LRP5: variants seen among roughly 807,000 people sequenced by gnomAD.
LRP5 encodes low-density lipoprotein receptor-related protein 5.
Under a neutral mutation model 154.1 loss-of-function variants are expected in LRP5, and 62 were observed. The ratio of observed to expected loss-of-function variants is 0.40; its 90% CI spans 0.33 to 0.50. The LOEUF is 0.50. Among genes scored for constraint, LRP5 ranks in the 20% least tolerant of loss-of-function variants. LRP5 has a pLI of 0.55. For missense variants in LRP5, 1,915 were observed against 2,336.7 expected, an observed-to-expected ratio of 0.82 and a Z score of 3.72; for synonymous variants, 966 against 1,011.5, an observed-to-expected ratio of 0.96 and a Z score of 0.85.
At chr11:68,368,003 T>C (rs1416372214) in intron 5 of LRP5, among the ~76,000 whole-genome samples, 1 of 149,232 alleles carries the variant, frequency 6.7e-6, no homozygotes, top group Non-Finnish European at 1.5e-5. Flanking sequence ...AGGCGGAGGT[T>C]GCACTGAGCC....
intron 1 of LRP5, among the ~76,000 whole-genome samples, chr11:68,335,532 A>G (rs1305338984): frequency 2.0e-5 from 3 of 152,014 alleles, no homozygotes; most frequent in Admixed American, 6.5e-5. Context: ...ACTGGACTCT[A>G]AAGCCTGGGT....
intron 1 of LRP5, among the ~76,000 whole-genome samples, chr11:68,338,551 G>C (rs534262078): frequency 6.6e-6 from 1 of 152,164 alleles, no homozygotes; most frequent in African/African-American, 2.4e-5. Context: ...AGAAGTGGGC[G>C]TTCCTGGGAG....
At chr11:68,434,937 G>A (rs1004165424) in intron 18 of LRP5, among the ~76,000 whole-genome samples, 1 of 152,238 alleles carries the variant, frequency 6.6e-6, no homozygotes, top group Non-Finnish European at 1.5e-5. Context: ...AGTCCTTCCA[G>A]CTCATTGACC....
At position 68,363,517 on chromosome 11, in the gene LRP5, C is replaced by T. The variant is rs147068131; in HGVS notation, c.687-230C>T. Among the ~76,000 whole-genome samples, 465 of 152,020 alleles carry T rather than the reference C, an allele frequency of 3.1e-3. 3 individuals carry two copies. The highest frequency in any genetic ancestry group is 0.011 in the African/African-American group (442 of 41,468). ...ACTAAAAATACAAAAATCATCTGGG[C>T]GTAGTGGTGGGCATCAGTGATCCCA... On this transcript the variant is annotated intron_variant, in intron 3 of 22. Coordinates refer to ENST00000294304, the MANE Select transcript of LRP5 (RefSeq NM_002335.4).
intron 18 of LRP5, among the ~76,000 whole-genome samples, chr11:68,436,239 C>A (rs953464770): frequency 1.3e-5 from 2 of 152,224 alleles, no homozygotes; most frequent in Non-Finnish European, 2.9e-5. Context: ...CCCTTATCTC[C>A]CATTCCCAGG....
At chr11:68,323,635 A>AT (rs1185039679) in intron 1 of LRP5, among the ~76,000 whole-genome samples, 2 of 151,488 alleles carry the variant, frequency 1.3e-5, no homozygotes, top group Admixed American at 6.6e-5. Context: ...GCCCAGGTTC[A>AT]TTTGGAACTC....
intron 5 of LRP5, among the ~76,000 whole-genome samples, chr11:68,379,186 AGT>A (rs756808373): frequency 2.6e-5 from 4 of 152,164 alleles, no homozygotes; most frequent in Non-Finnish European, 4.4e-5. Flanking sequence ...TCTTCTCCAG[AGT>A]GTGCTGTTTT....
intron 14 of LRP5, among the ~76,000 whole-genome samples, chr11:68,424,290 G>A (rs952018516): frequency 6.6e-6 from 1 of 152,222 alleles, no homozygotes; most frequent in African/African-American, 2.4e-5. Context: ...CATGAAGACG[G>A]GAGCTACAGC....
At chr11:68,430,993 ACACGTGATG>A (rs2153176898) in intron 17 of LRP5, among the ~76,000 whole-genome samples, 2 of 152,268 alleles carry the variant, frequency 1.3e-5, no homozygotes, top group South Asian at 4.1e-4. Context: ...CTGGACCCTG[ACACGTGATG>A]CACAGGAATG....
intron 1 of LRP5, among the ~76,000 whole-genome samples, chr11:68,343,532 G>A (rs745633395): frequency 1.3e-4 from 20 of 152,180 alleles, no homozygotes; most frequent in Non-Finnish European, 2.8e-4. Flanking sequence ...AGGGCATGGG[G>A]CACAGTTGGC....
intron 21 of LRP5, among the ~76,000 whole-genome samples, chr11:68,444,291 G>T (rs1449398675): frequency 6.6e-6 from 1 of 152,066 alleles, no homozygotes; most frequent in Non-Finnish European, 1.5e-5. Context: ...AAGGCGGGTG[G>T]ATCACCTGAG....
At chr11:68,355,506 T>C (rs879318279) in intron 2 of LRP5, among the ~76,000 whole-genome samples, 1 of 152,170 alleles carries the variant, frequency 6.6e-6, no homozygotes, top group Non-Finnish European at 1.5e-5. Flanking sequence ...CCCAGCTGGC[T>C]GGGATGGGAA....
intron 1 of LRP5, among the ~76,000 whole-genome samples, chr11:68,333,307 G>T (rs2098603964): frequency 6.6e-6 from 1 of 152,176 alleles, no homozygotes; most frequent in African/African-American, 2.4e-5. Context: ...CTAAGGTATG[G>T]TTTTGCCAAG....
intron 1 of LRP5, among the ~76,000 whole-genome samples, chr11:68,316,076 C>G (rs2098593204): frequency 6.6e-6 from 1 of 152,150 alleles, no homozygotes; most frequent in Non-Finnish European, 1.5e-5. Context: ...AAAACCCATA[C>G]CCATTACACG....
At position 68,341,059 on chromosome 11, in the gene LRP5, C is replaced by CTTTTTTTTTTTTTTTTTTTTT. The variant is rs576462333; in HGVS notation, c.92-6769_92-6768insTTTTTTTTTTTTTTTTTTTTT. 1.4e-3 allele frequency among the ~76,000 whole-genome samples: 119 copies of CTTTTTTTTTTTTTTTTTTTTT among 83,462 alleles called. 16 individuals carry two copies. Among genetic ancestry groups the CTTTTTTTTTTTTTTTTTTTTT allele is most frequent in the African/African-American group, 3.6e-3 (76 of 21,006 alleles). 54.8% of individuals were successfully genotyped at this position (83,462 alleles called of 152,430 possible). A position where few individuals can be genotyped will look rare whatever the true frequency, so the allele number is the denominator to read the frequency against. The stretch of plus-strand genomic sequence containing the variant: ...GTTACCCCTGCCGCTGGAGATTGTT[C>CTTTTTTTTTTTTTTTTTTTTT]TTTTTTTTTTTTTTTTTTTGCTATT... On this transcript the variant is annotated intron_variant, in intron 1 of 22. Coordinates refer to ENST00000294304, the MANE Select transcript of LRP5 (RefSeq NM_002335.4).
intron 11 of LRP5, 104 bp downstream of exon 11, chr11:68,411,724 A>C (rs769149092): frequency 1.6e-6 from 2 of 1,250,982 alleles, no homozygotes; most frequent in African/African-American, 2.9e-5. Context: ...AAGTTCCCCA[A>C]CCTGGCAGGA....
chr11:68,348,287 T>C (rs899265205), intron 2 of LRP5, 44 bp downstream of exon 2: 28 of 1,598,028 alleles, frequency 1.8e-5, no homozygotes, highest in Non-Finnish European at 2.3e-5. Context: ...GGGCGGGGAG[T>C]GTCACCATCT....
chr11:68,376,014 C>T (rs2098637123), intron 5 of LRP5, among the ~76,000 whole-genome samples: 1 of 152,138 alleles, frequency 6.6e-6, no homozygotes, highest in Admixed American at 6.5e-5. Context: ...CACATGGTTC[C>T]ATTCTAATCC....
At chr11:68,317,043 A>G (rs1194403787) in intron 1 of LRP5, among the ~76,000 whole-genome samples, 1 of 152,252 alleles carries the variant, frequency 6.6e-6, no homozygotes, top group Non-Finnish European at 1.5e-5. Context: ...TTCAGGAAGC[A>G]GCAGGGTGTG....
Sources: gnomAD v4.1 joint callset for allele counts (sites outside exome capture counted in the v4.1 genomes callset) on GRCh38, gnomAD v4.1.1 for gene constraint, MANE v1.5 for transcripts, NCBI Gene and HGNC (gene_info 2026-07-23, HGNC 2026-07-21) for gene names.